The following RPH3A variants were observed in gnomAD, a reference collection of about 807,000 sequenced individuals.
The protein encoded by RPH3A is rabphilin-3A.
Under a neutral mutation model 102.2 loss-of-function variants are expected in RPH3A, and 48 were observed. The observed-to-expected ratio is 0.47, with a 90% CI of 0.37 to 0.60. The LOEUF (loss-of-function observed/expected upper bound fraction) is 0.60. Among genes scored for constraint, RPH3A ranks in the 20% least tolerant of loss-of-function variants. The pLI is 0.00. For missense variants in RPH3A, 781 were observed against 910.1 expected (o/e 0.86, Z 1.83); for synonymous variants, 310 against 324.3 (o/e 0.96, Z 0.47).
At chr12:112,877,399 C>T (rs1443709891) in intron 13 of RPH3A, among the ~76,000 whole-genome samples, 3 of 148,764 alleles carry the variant, frequency 2.0e-5, no homozygotes, top group East Asian at 2.0e-4. Context: ...TACGCACACA[C>T]GTATACACAC....
At chr12:112,699,303 G>A (rs1193934899) in intron 1 of RPH3A, among the ~76,000 whole-genome samples, 2 of 152,200 alleles carry the variant, frequency 1.3e-5, no homozygotes, top group East Asian at 1.9e-4. Flanking sequence ...TAAGACAAAT[G>A]AAAACATATG....
chr12:112,650,416 T>A (rs2039965338), intron 1 of RPH3A, among the ~76,000 whole-genome samples: 1 of 152,198 alleles, frequency 6.6e-6, no homozygotes, highest in Non-Finnish European at 1.5e-5. Flanking sequence ...AATCCAATTT[T>A]AGAATTTTCT....
chr12:112,750,368 G>A (rs548422185), intron 1 of RPH3A, among the ~76,000 whole-genome samples: 1 of 152,270 alleles, frequency 6.6e-6, no homozygotes, highest in South Asian at 2.1e-4. Context: ...GACAAATAGG[G>A]TGAGTCACCA....
chr12:112,637,286 T>C (rs766919738), intron 1 of RPH3A, among the ~76,000 whole-genome samples: 1 of 152,202 alleles, frequency 6.6e-6, no homozygotes, highest in Non-Finnish European at 1.5e-5. Context: ...TTTATGCTTT[T>C]CCTATGGGCA....
intron 4 of RPH3A, among the ~76,000 whole-genome samples, chr12:112,842,698 G>T (rs192788506): frequency 6.6e-6 from 1 of 152,330 alleles, no homozygotes; most frequent in East Asian, 1.9e-4. Flanking sequence ...TGTGGAGTAC[G>T]TATCAGTTTG....
At chr12:112,764,871 C>T (rs2040877504) in intron 1 of RPH3A, among the ~76,000 whole-genome samples, 1 of 152,056 alleles carries the variant, frequency 6.6e-6, no homozygotes, top group Non-Finnish European at 1.5e-5. Flanking sequence ...GCTTTTTCAT[C>T]CCCCCATAAC....
chr12:112,883,206 C>G, intron 15 of RPH3A, 87 bp from the exon 16 acceptor site: 1 of 982,964 alleles, frequency 1.0e-6, no homozygotes, highest in Admixed American at 2.0e-5. Flanking sequence ...AAGCCACCCA[C>G]CCACCCCACG....
chr12:112,894,450 A>G, intron 19 of RPH3A, 128 bp from the exon 20 acceptor site: 1 of 821,644 alleles, frequency 1.2e-6, no homozygotes, highest in Non-Finnish European at 2.0e-6. Context: ...CATATTGGTC[A>G]TTATCAATGT....
rs1422589663 is a variant in RPH3A, at chr12:112,678,328, A to AGAAG, written c.-140+103033_-140+103036dup. Among the ~76,000 whole-genome samples, 25 of 49,744 alleles carry AGAAG rather than the reference A, an allele frequency of 5.0e-4. 5 individuals carry two copies. Among genetic ancestry groups the AGAAG allele is most frequent in the African/African-American group, 1.1e-3 (18 of 16,522 alleles). The allele number at this position is 49,744 out of a possible 152,430, so 32.6% of individuals were successfully genotyped here. ...AAGAGAGAGAGAGAGAAAGAAAGAA[A>AGAAG]GAAGGAAGGAAGGAAGGAAGGAAGG... On this transcript the variant is annotated intron_variant, in intron 1 of 21. Coordinates refer to the RPH3A transcript ENST00000543106.
At chr12:112,777,318 G>A (rs1009155638) in intron 1 of RPH3A, among the ~76,000 whole-genome samples, 1 of 152,188 alleles carries the variant, frequency 6.6e-6, no homozygotes, top group African/African-American at 2.4e-5. Flanking sequence ...CCTCATCCCT[G>A]TGCATCTGCT....
chr12:112,648,027 A>G lies in RPH3A; in HGVS notation c.-140+72708A>G, dbSNP rs1454233435. 2.6e-5 allele frequency among the ~76,000 whole-genome samples: 4 copies of G among 152,310 alleles called. No homozygotes were observed. In the East Asian group the frequency reaches 7.7e-4, roughly 29 times the overall value. ...CACTATAAAATATATTAAAAAATCA[A>G]TTTGGTTTTCTTCTATGTTGAAAGG... On this transcript the variant is annotated intron_variant, in intron 1 of 21. Transcript: ENST00000543106.
At chr12:112,663,771 C>T (rs951020068) in intron 1 of RPH3A, among the ~76,000 whole-genome samples, 3 of 152,172 alleles carry the variant, frequency 2.0e-5, no homozygotes, top group Non-Finnish European at 2.9e-5. Context: ...TCATTGTCTC[C>T]TGCTACTGTC....
intron 3 of RPH3A, chr12:112,831,740 T>A: frequency 2.2e-6 from 1 of 455,698 alleles, no homozygotes; most frequent in Non-Finnish European, 4.4e-6. Context: ...CCCTTGTTCT[T>A]GAAGGTTGCA....
At chr12:112,726,751 A>G (rs4766998) in intron 1 of RPH3A, among the ~76,000 whole-genome samples, 114,184 of 152,160 alleles carry the variant, frequency 0.75, 43,430 homozygotes, top group East Asian at 0.89. Context: ...GGCTGGGTGC[A>G]GTGGCTCACG....
At chr12:112,758,087 A>G (rs888774092) in intron 1 of RPH3A, among the ~76,000 whole-genome samples, 2 of 152,174 alleles carry the variant, frequency 1.3e-5, no homozygotes, top group Non-Finnish European at 1.5e-5. Flanking sequence ...CTGTTCCACC[A>G]AGGCATGAAG....
chr12:112,846,571 A>G (rs1017551252), intron 4 of RPH3A, among the ~76,000 whole-genome samples: 1 of 152,268 alleles, frequency 6.6e-6, no homozygotes, highest in South Asian at 2.1e-4. Context: ...TCCAATGTCA[A>G]AAGGCAATTT....
At chr12:112,827,593 G>A (rs1021952407) in intron 2 of RPH3A, among the ~76,000 whole-genome samples, 1 of 152,154 alleles carries the variant, frequency 6.6e-6, no homozygotes, top group Admixed American at 6.5e-5. Context: ...CAGCATAGTA[G>A]CAATGCAGGC....
Position 112,890,996 on chromosome 12 carries a change from G to A in RPH3A, c.1768G>A (p.Val590Ile), listed in dbSNP as rs1217721350. 1.7e-5 allele frequency: 28 copies of A among 1,614,012 alleles called. No homozygotes were observed. Among genetic ancestry groups the A allele is most frequent in the East Asian group, 2.2e-5 (1 of 44,902 alleles). ...MDANGYSDPF[V>I]KLWLKPDMGK... ...CGCTAATGGCTACTCAGACCCATTCGTCAAGCTGTAAGTCAATGCCTTGGG... is the reference window on the plus strand; with the variant it reads ...CGCTAATGGCTACTCAGACCCATTCATCAAGCTGTAAGTCAATGCCTTGGG... The change falls in exon 19 of 22, where the codon GTC (valine) becomes ATC (isoleucine). Residue 590 changes from valine (V) to isoleucine (I), a missense_variant. Around this residue, in one of 2 missense-constraint regions of RPH3A, gnomAD observed 730 missense variants for 810.0 expected, o/e 0.90. Coordinates refer to ENST00000389385, the MANE Select transcript of RPH3A (RefSeq NM_001143854.2).
chr12:112,712,898 T>TTCTTCTTCC (rs2040474507), intron 1 of RPH3A, among the ~76,000 whole-genome samples: 3 of 130,698 alleles, frequency 2.3e-5, no homozygotes, highest in African/African-American at 9.6e-5. Context: ...CTTCTTCTTC[T>TTCTTCTTCC]TCTTCCTCTT....
Sources: allele counts gnomAD v4.1 joint callset (sites outside exome capture counted in the v4.1 genomes callset), GRCh38; gene constraint gnomAD v4.1.1; regional missense constraint gnomAD v4.1.1; transcripts MANE v1.5; gene names NCBI Gene and HGNC (gene_info 2026-07-23, HGNC 2026-07-21).